Variants in LAMA2 observed in about 807,000 individuals in gnomAD.
The protein encoded by LAMA2 is laminin subunit alpha 2.
In LAMA2, 269 loss-of-function variants were observed where a neutral mutation model predicts 364.8. The observed-to-expected ratio is 0.74, with a 90% CI of 0.67 to 0.82. The LOEUF (loss-of-function observed/expected upper bound fraction) is 0.82, where lower values mean the gene tolerates loss of function less well. LAMA2 is among the 40% of genes least tolerant of loss of function. LAMA2 has a pLI of 0.00. For synonymous variants in LAMA2, 1,379 were observed against 1,370.6 expected (o/e 1.01, Z -0.14); for missense variants, 3,807 against 3,873.2 (o/e 0.98, Z 0.45).
At chr6:129,289,116 A>G (rs902371) in intron 19 of LAMA2, among the ~76,000 whole-genome samples, 151,465 of 152,304 alleles carry the variant, frequency 0.99, 75,325 homozygotes, top group Middle Eastern at 1. Flanking sequence ...ATGATAATTC[A>G]TTGAATCAAA....
At chr6:128,964,090 A>G (rs114426028) in intron 1 of LAMA2, among the ~76,000 whole-genome samples, 275 of 152,196 alleles carry the variant, frequency 1.8e-3, no homozygotes, top group African/African-American at 6.4e-3. Context: ...AAGTTGTAAG[A>G]AAGAGAAATC....
intron 1 of LAMA2, among the ~76,000 whole-genome samples, chr6:129,013,276 A>G (rs1265127268): frequency 1.3e-5 from 2 of 152,020 alleles, no homozygotes; most frequent in Non-Finnish European, 2.9e-5. Flanking sequence ...TCTACTAAAA[A>G]TCCAAAAAAA....
chr6:129,091,336 G>C (rs1284301580), intron 3 of LAMA2, among the ~76,000 whole-genome samples: 1 of 152,126 alleles, frequency 6.6e-6, no homozygotes, highest in Non-Finnish European at 1.5e-5. Context: ...CATCCAGTTA[G>C]ATTATTATTA....
chr6:128,895,874 A>T (rs1019833503), intron 1 of LAMA2, among the ~76,000 whole-genome samples: 4 of 152,110 alleles, frequency 2.6e-5, no homozygotes, highest in Non-Finnish European at 4.4e-5. Flanking sequence ...TTTCTAAAGC[A>T]TTTAAAAGGT....
intron 1 of LAMA2, among the ~76,000 whole-genome samples, chr6:128,921,694 T>A (rs1452422389): frequency 7.1e-6 from 1 of 140,842 alleles, no homozygotes; most frequent in Non-Finnish European, 1.5e-5. Context: ...GAAATGAATG[T>A]CTGTTTTTTT....
At chr6:129,246,526 T>A (rs1785763503) in intron 12 of LAMA2, among the ~76,000 whole-genome samples, 1 of 152,184 alleles carries the variant, frequency 6.6e-6, no homozygotes, top group South Asian at 2.1e-4. Flanking sequence ...CAGGGGTAGA[T>A]AGATCCTAGA....
intron 1 of LAMA2, among the ~76,000 whole-genome samples, chr6:128,914,284 C>T (rs960254275): frequency 3.3e-5 from 5 of 152,114 alleles, no homozygotes; most frequent in African/African-American, 1.2e-4. Flanking sequence ...CTCATTGGCT[C>T]CCTGGTGCAA....
chr6:128,963,767 G>A (rs1781679956), intron 1 of LAMA2, among the ~76,000 whole-genome samples: 1 of 152,084 alleles, frequency 6.6e-6, no homozygotes, highest in Non-Finnish European at 1.5e-5. Context: ...GACAAGGAGA[G>A]AGGTTAAAAC....
intron 1 of LAMA2, among the ~76,000 whole-genome samples, chr6:128,884,118 C>G (rs1776006974): frequency 6.6e-6 from 1 of 152,050 alleles, no homozygotes; most frequent in Non-Finnish European, 1.5e-5. Context: ...TTTAATGTAA[C>G]TTAAATAACT....
At chr6:129,391,930 C>A (rs987978198) in intron 36 of LAMA2, among the ~76,000 whole-genome samples, 11 of 152,110 alleles carry the variant, frequency 7.2e-5, no homozygotes, top group Admixed American at 5.9e-4. Context: ...AGTAAATGAT[C>A]TTTTCTGGTG....
chr6:128,916,436 C>T (rs1328872489), intron 1 of LAMA2, among the ~76,000 whole-genome samples: 1 of 152,152 alleles, frequency 6.6e-6, no homozygotes, highest in East Asian at 1.9e-4. Context: ...GTTAAAATCA[C>T]TGAGCTTCTG....
chr6:129,297,549 A>T (rs966661213), intron 20 of LAMA2, 136 bp from the exon 21 acceptor site: 1 of 777,428 alleles, frequency 1.3e-6, no homozygotes. Flanking sequence ...TGAAAACCCA[A>T]TTGTCATAAC....
intron 23 of LAMA2, among the ~76,000 whole-genome samples, chr6:129,313,963 T>C (rs1774391629): frequency 1.3e-5 from 2 of 152,268 alleles, no homozygotes. Flanking sequence ...TATAAATTGA[T>C]ATTTTAACCT....
At chr6:129,220,057 C>T (rs1418949909) in intron 12 of LAMA2, among the ~76,000 whole-genome samples, 1 of 151,870 alleles carries the variant, frequency 6.6e-6, no homozygotes, top group Non-Finnish European at 1.5e-5. Flanking sequence ...TGGTGGAGTA[C>T]CAGCTCAAGA....
Position 129,342,473 on chromosome 6 carries a change from A to G in LAMA2, c.4436+6A>G, listed in dbSNP as rs1057523624. 1.2e-6 allele frequency: 2 copies of G among 1,612,372 alleles called. No homozygotes were observed. The highest frequency in any genetic ancestry group is 1.7e-6 in the Non-Finnish European group (2 of 1,178,788). ...CTGATTTCTTCCAGTAACAAGTAAGATTGAGAAATATAACCATATTTCCCA... is the reference window on the plus strand; with the variant it reads ...CTGATTTCTTCCAGTAACAAGTAAGGTTGAGAAATATAACCATATTTCCCA... On this transcript the variant is annotated splice_donor_region_variant and intron_variant, in intron 30 of 64. Transcript: ENST00000421865.
At chr6:129,290,925 C>G (rs542029942) in intron 19 of LAMA2, among the ~76,000 whole-genome samples, 1 of 152,198 alleles carries the variant, frequency 6.6e-6, no homozygotes, top group Non-Finnish European at 1.5e-5. Flanking sequence ...TCTTAAGATA[C>G]TTGAAATGAT....
At chr6:129,453,922 CAA>C (rs2114790266) in intron 46 of LAMA2, among the ~76,000 whole-genome samples, 1 of 146,470 alleles carries the variant, frequency 6.8e-6, no homozygotes, top group South Asian at 2.1e-4. Flanking sequence ...GTAAAATTAA[CAA>C]ACATGCCTGA....
chr6:129,346,110 A>G (rs563683651), intron 30 of LAMA2, among the ~76,000 whole-genome samples: 1 of 152,292 alleles, frequency 6.6e-6, no homozygotes, highest in East Asian at 1.9e-4. Context: ...TATGGTAGAA[A>G]TTTAACTCTT....
chr6:129,179,946 AT>A (rs1317844437), intron 10 of LAMA2, among the ~76,000 whole-genome samples: 1 of 152,180 alleles, frequency 6.6e-6, no homozygotes, highest in Non-Finnish European at 1.5e-5. Flanking sequence ...ATGTACTACA[AT>A]TAAGTGCCTA....
Sources: allele counts gnomAD v4.1 joint callset (sites outside exome capture counted in the v4.1 genomes callset), GRCh38; gene constraint gnomAD v4.1.1; transcripts MANE v1.5; gene names NCBI Gene and HGNC (gene_info 2026-07-23, HGNC 2026-07-21).